The following RBFOX1 variants were observed in gnomAD, a reference collection of about 807,000 sequenced individuals.
The protein encoded by RBFOX1 is RNA binding fox-1 homolog 1, also known as RNA binding protein fox-1 homolog 1.
In RBFOX1, 8 loss-of-function variants were observed where a neutral mutation model predicts 57.7. The observed-to-expected ratio is 0.14, with a 90% confidence interval of 0.08 to 0.25. The LOEUF (loss-of-function observed/expected upper bound fraction) is 0.25. Among genes scored for constraint, RBFOX1 ranks in the 10% least tolerant of loss-of-function variants. The pLI is 1.00. For synonymous variants in RBFOX1, 326 were observed against 222.4 expected, an observed-to-expected ratio of 1.47 and a Z score of -4.15; for missense variants, 611 against 548.5, an observed-to-expected ratio of 1.11 and a Z score of -1.14.
chr16:6,002,259 G>A (rs1172517634), intron 4 of RBFOX1, among the ~76,000 whole-genome samples: 1 of 152,178 alleles, frequency 6.6e-6, no homozygotes, highest in Non-Finnish European at 1.5e-5. Context: ...TTATAGGCAT[G>A]AGCGACCGCT....
chr16:5,916,016 C>T (rs1363330151), intron 4 of RBFOX1, among the ~76,000 whole-genome samples: 4 of 152,148 alleles, frequency 2.6e-5, no homozygotes, highest in African/African-American at 4.8e-5. Context: ...CCAGCCTTCA[C>T]AGCAGCTAGT....
intron 3 of RBFOX1, among the ~76,000 whole-genome samples, chr16:5,788,206 G>A (rs868482911): frequency 1.6e-4 from 24 of 152,320 alleles, no homozygotes; most frequent in Middle Eastern, 3.4e-3. Flanking sequence ...TTGGCCGGTA[G>A]TTTATTTACC....
At chr16:5,773,451 CAT>C (rs2151683425) in intron 3 of RBFOX1, among the ~76,000 whole-genome samples, 1 of 152,290 alleles carries the variant, frequency 6.6e-6, no homozygotes, top group Admixed American at 6.5e-5. Context: ...TCTTGTTCAA[CAT>C]GTTTCATATT....
At chr16:6,957,752 C>G (rs979592835) in intron 3 of RBFOX1, among the ~76,000 whole-genome samples, 2 of 152,124 alleles carry the variant, frequency 1.3e-5, no homozygotes, top group Non-Finnish European at 2.9e-5. Flanking sequence ...TGGAGTTGCT[C>G]TGGTTCAAAC....
intron 4 of RBFOX1, among the ~76,000 whole-genome samples, chr16:6,011,766 G>A (rs73522133): frequency 0.011 from 1,689 of 152,262 alleles, 36 homozygotes; most frequent in African/African-American, 0.039. Context: ...TTTTGCTAAT[G>A]ACCACGCACG....
At chr16:5,739,029 A>G (rs1192496992) in intron 3 of RBFOX1, among the ~76,000 whole-genome samples, 1 of 152,234 alleles carries the variant, frequency 6.6e-6, no homozygotes, top group South Asian at 2.1e-4. Flanking sequence ...TCTCAAGTTT[A>G]GAAAAAACTC....
At chr16:7,069,792 G>A (rs1231954324) in intron 4 of RBFOX1, among the ~76,000 whole-genome samples, 5 of 152,096 alleles carry the variant, frequency 3.3e-5, no homozygotes, top group Non-Finnish European at 7.4e-5. Context: ...GCACTTGCTC[G>A]TTAACAAAAA....
At chr16:6,253,299 G>C (rs2097636250) in intron 1 of RBFOX1, among the ~76,000 whole-genome samples, 1 of 152,098 alleles carries the variant, frequency 6.6e-6, no homozygotes, top group Non-Finnish European at 1.5e-5. Flanking sequence ...CATCATTTTA[G>C]CTCTCTGCAA....
At chr16:5,274,107 C>T (rs897700006) in intron 1 of RBFOX1, among the ~76,000 whole-genome samples, 4 of 152,186 alleles carry the variant, frequency 2.6e-5, no homozygotes, top group African/African-American at 9.7e-5. Context: ...GCATTTTCTA[C>T]TGGATGCAGA....
intron 1 of RBFOX1, among the ~76,000 whole-genome samples, chr16:5,391,221 G>A (rs2066398835): frequency 6.6e-6 from 1 of 152,176 alleles, no homozygotes; most frequent in South Asian, 2.1e-4. Context: ...AAACTTAACG[G>A]TTTAAAACAA....
intron 3 of RBFOX1, among the ~76,000 whole-genome samples, chr16:6,749,905 G>T (rs918170383): frequency 1.4e-4 from 21 of 152,146 alleles, no homozygotes; most frequent in African/African-American, 5.1e-4. Flanking sequence ...TACATCCTCA[G>T]AATACAATAA....
intron 2 of RBFOX1, among the ~76,000 whole-genome samples, chr16:6,468,835 A>G (rs1031599724): frequency 7.9e-5 from 12 of 152,058 alleles, no homozygotes; most frequent in Admixed American, 4.6e-4. Flanking sequence ...GGTTTGTAAC[A>G]TAGGTAAACT....
intron 1 of RBFOX1, among the ~76,000 whole-genome samples, chr16:5,290,389 A>G (rs1374548193): frequency 6.6e-6 from 1 of 152,074 alleles, no homozygotes; most frequent in African/African-American, 2.4e-5. Context: ...TAGTGGGAGG[A>G]GGAAATGGGA....
At chr16:7,512,584 C>A (rs549171066) in intron 4 of RBFOX1, among the ~76,000 whole-genome samples, 1 of 152,162 alleles carries the variant, frequency 6.6e-6, no homozygotes, top group South Asian at 2.1e-4. Context: ...ATCTGGAGTC[C>A]CATGTTCCTG....
intron 4 of RBFOX1, among the ~76,000 whole-genome samples, chr16:7,315,504 G>C (rs1033850884): frequency 1.3e-5 from 2 of 150,326 alleles, no homozygotes; most frequent in African/African-American, 4.9e-5. Context: ...AAATGTGAAA[G>C]TTTTAGCTAT....
chr16:6,664,960 A>G (rs112823059), intron 3 of RBFOX1, among the ~76,000 whole-genome samples: 111 of 152,328 alleles, frequency 7.3e-4, no homozygotes, highest in African/African-American at 2.6e-3. Context: ...TAAATCATGC[A>G]TCCCATGCAC....
At chr16:6,205,698 CTCTT>C (rs1567675448) in intron 1 of RBFOX1, among the ~76,000 whole-genome samples, 1 of 151,920 alleles carries the variant, frequency 6.6e-6, no homozygotes, top group African/African-American at 2.4e-5. Context: ...TAGGCACTCT[CTCTT>C]TTTTCTATTT....
At chr16:6,253,744 A>G (rs2097642466) in intron 1 of RBFOX1, among the ~76,000 whole-genome samples, 1 of 151,756 alleles carries the variant, frequency 6.6e-6, no homozygotes, top group Non-Finnish European at 1.5e-5. Flanking sequence ...ACCTGTATCC[A>G]TATCTATATA....
At chr16:6,423,232 T>G (rs1431202903) in intron 2 of RBFOX1, among the ~76,000 whole-genome samples, 1 of 152,204 alleles carries the variant, frequency 6.6e-6, no homozygotes, top group African/African-American at 2.4e-5. Flanking sequence ...CAACATTTTG[T>G]TCGGCCTTCC....
Sources: allele counts gnomAD v4.1 joint callset (sites outside exome capture counted in the v4.1 genomes callset), GRCh38; gene constraint gnomAD v4.1.1; transcripts MANE v1.5; gene names NCBI Gene and HGNC (gene_info 2026-07-23, HGNC 2026-07-21).